ADAMTS2: variants seen among roughly 807,000 people sequenced by gnomAD.
ADAMTS2 encodes A disintegrin and metalloproteinase with thrombospondin motifs 2.
In ADAMTS2, 50 loss-of-function variants were observed where a neutral mutation model predicts 123.0. The ratio of observed to expected loss-of-function variants is 0.41; its 90% CI spans 0.32 to 0.51. ADAMTS2 has a LOEUF of 0.51. Ranked by LOEUF, ADAMTS2 falls within the 20% of genes least tolerant of loss-of-function variation. ADAMTS2 has a pLI of 0.35. For missense variants in ADAMTS2, 1,494 were observed against 1,705.2 expected (o/e 0.88, Z 2.18); for synonymous variants, 678 against 695.4 (o/e 0.98, Z 0.39).
intron 10 of ADAMTS2, among the ~76,000 whole-genome samples, chr5:179,146,808 A>G (rs1303838412): frequency 2.6e-5 from 4 of 151,934 alleles, no homozygotes; most frequent in African/African-American, 4.8e-5. Flanking sequence ...ATTAATTTTT[A>G]TCTGAATTTT....
At chr5:179,220,023 TC>T (rs1215321084) in intron 3 of ADAMTS2, among the ~76,000 whole-genome samples, 1 of 151,574 alleles carries the variant, frequency 6.6e-6, no homozygotes, top group Non-Finnish European at 1.5e-5. Context: ...CCAGGGAGGG[TC>T]CCCAGGACTC....
chr5:179,237,018 G>A (rs928827431), intron 3 of ADAMTS2, among the ~76,000 whole-genome samples: 56 of 152,136 alleles, frequency 3.7e-4, no homozygotes, highest in South Asian at 1.7e-3. Flanking sequence ...ACTTTGGGGG[G>A]TTGAGACGGG....
At chr5:179,208,121 T>C (rs560996517) in intron 3 of ADAMTS2, among the ~76,000 whole-genome samples, 11 of 145,492 alleles carry the variant, frequency 7.6e-5, no homozygotes, top group South Asian at 7.0e-4. Context: ...CCGCACTGCC[T>C]GACGCTGGAG....
chr5:179,302,646 G>A (rs867440015), intron 2 of ADAMTS2, among the ~76,000 whole-genome samples: 26 of 151,998 alleles, frequency 1.7e-4, no homozygotes, highest in African/African-American at 6.0e-4. Context: ...TCCCGGGGGG[G>A]CAAATGGCAG....
intron 3 of ADAMTS2, among the ~76,000 whole-genome samples, chr5:179,235,010 G>A (rs115327276): frequency 9.9e-5 from 15 of 152,174 alleles, no homozygotes; most frequent in Admixed American, 8.5e-4. Flanking sequence ...CCATGGGTCC[G>A]AGAAAACACT....
At chr5:179,310,983 G>A (rs957221899) in intron 2 of ADAMTS2, among the ~76,000 whole-genome samples, 3 of 151,532 alleles carry the variant, frequency 2.0e-5, no homozygotes, top group Non-Finnish European at 2.9e-5. Context: ...CTGGACCTCC[G>A]CCCCTTTCCA....
chr5:179,122,737 G>A lies in ADAMTS2; in HGVS notation c.2995C>T (p.Pro999Ser). 1.3e-6 allele frequency: 2 copies of A among 1,553,682 alleles called. No homozygotes were observed. Among genetic ancestry groups the A allele is most frequent in the Non-Finnish European group, 1.7e-6 (2 of 1,148,896 alleles). Residue 999 changes from proline to serine, a missense_variant, in exon 20 of 22, where the codon CCA (proline) becomes TCA (serine). Physicochemically the swap from Pro to Ser is moderately conservative, Grantham distance 74 (BLOSUM62 -1). Around this residue, in one of 6 missense-constraint regions of ADAMTS2, gnomAD observed 953 missense variants for 1,124.7 expected, o/e 0.85. Coordinates refer to ENST00000251582, the MANE Select transcript of ADAMTS2 (RefSeq NM_014244.5). ...VTCGNGTQER[P>S]VLCRTADDSF... The stretch of plus-strand genomic sequence containing the variant: ...TCGTCCGCGGTGCGGCAGAGCACTG[G>A]CCGCTCCTGGGTGCCGTTGCCACAG...
chr5:179,247,154 C>T (rs1381631924), intron 3 of ADAMTS2, among the ~76,000 whole-genome samples: 1 of 152,056 alleles, frequency 6.6e-6, no homozygotes, highest in Non-Finnish European at 1.5e-5. Flanking sequence ...AAAGCAAGAA[C>T]ATAATGTATC....
At position 179,158,938 on chromosome 5, in the gene ADAMTS2, G is replaced by A. The variant is rs937433083; in HGVS notation, c.976-59C>T. ...GTTGGCGCCTGGTGGCCCAGTGGGG[G>A]GCCGAGCAGGCTGTAGTGTTGACAG... On this transcript the variant is annotated intron_variant, in intron 5 of 21. Coordinates refer to ENST00000251582, the MANE Select transcript of ADAMTS2 (RefSeq NM_014244.5). This position sits in a 1 kb window ranked among gnomAD's most constrained non-coding sequence, Gnocchi z 5.0. 7 of 1,589,350 alleles carry A rather than the reference G, an allele frequency of 4.4e-6. No individual in the cohort carries two copies. The South Asian group carries it at 4.5e-5, about 10-fold the overall frequency.
At chr5:179,316,393 C>G (rs1032701295) in intron 2 of ADAMTS2, among the ~76,000 whole-genome samples, 2 of 152,214 alleles carry the variant, frequency 1.3e-5, no homozygotes, top group African/African-American at 4.8e-5. Flanking sequence ...CTGAGAGCAG[C>G]AGGGCCCTCA....
At chr5:179,165,820 A>G (rs1380569657) in intron 5 of ADAMTS2, among the ~76,000 whole-genome samples, 1 of 152,204 alleles carries the variant, frequency 6.6e-6, no homozygotes, top group African/African-American at 2.4e-5. Flanking sequence ...CAGAAGAGCC[A>G]GGCGGGAGAA....
Position 179,285,473 on chromosome 5 carries a change from C to G in ADAMTS2, c.535-12409G>C, listed in dbSNP as rs1755994254. Among the ~76,000 whole-genome samples, 1 of 152,242 alleles carries G rather than the reference C, an allele frequency of 6.6e-6. No homozygotes were observed. The highest frequency in any genetic ancestry group is 1.5e-5 in the Non-Finnish European group (1 of 68,042). ...ATGTCCCACACTCAGCCCTCTGCAG[C>G]CAGCTCCCCCATCTCCATGGCTCCT... On this transcript the variant is annotated intron_variant, in intron 2 of 21. Transcript: ENST00000251582. The surrounding 1 kb of genome is among the most constrained non-coding windows in gnomAD (Gnocchi z 4.9).
intron 3 of ADAMTS2, among the ~76,000 whole-genome samples, chr5:179,239,005 G>T (rs1025368001): frequency 3.9e-5 from 6 of 151,996 alleles, no homozygotes; most frequent in African/African-American, 1.5e-4. Context: ...CAGCTAAGGG[G>T]TGTGGGGTCT....
chr5:179,264,916 T>C (rs891712123), intron 3 of ADAMTS2, among the ~76,000 whole-genome samples: 1 of 146,664 alleles, frequency 6.8e-6, no homozygotes, highest in Non-Finnish European at 1.5e-5. Context: ...AACAGCAGCA[T>C]GCTGGGCGGA....
rs576880267 is a variant in ADAMTS2, at chr5:179,270,693, G to A, written c.688+2218C>T. 2.6e-5 allele frequency among the ~76,000 whole-genome samples: 4 copies of A among 152,310 alleles called. No homozygotes were observed. In the South Asian group the frequency reaches 8.3e-4, roughly 32 times the overall value. ...AGCTGGACGCCTGAGGTCACCGTGG[G>A]CCCTCCACCCAGCTCCGGCACTCAC... On this transcript the variant is annotated intron_variant, in intron 3 of 21. Transcript: ENST00000251582.
In ADAMTS2 at chr5:179,228,147, CAG is replaced by C. The variant is rs1056874878; in HGVS notation, c.689-20434_689-20433del. On this transcript the variant is annotated intron_variant, in intron 3 of 21. Coordinates refer to ENST00000251582, the MANE Select transcript of ADAMTS2 (RefSeq NM_014244.5). This position sits in a 1 kb window ranked among gnomAD's most constrained non-coding sequence, Gnocchi z 5.2. Reference sequence around the variant, plus strand: ...ACTCAGGCAGGAGTGGTCTGGAGCACAGAGAGAGGGTGGGCCGGAGGCCCCAG... The same window carrying C: ...ACTCAGGCAGGAGTGGTCTGGAGCACAGAGAGGGTGGGCCGGAGGCCCCAG... 1.3e-5 allele frequency among the ~76,000 whole-genome samples: 2 copies of C among 152,158 alleles called. No individual in the cohort carries two copies. Among genetic ancestry groups the C allele is most frequent in the African/African-American group, 4.8e-5 (2 of 41,442 alleles).
intron 2 of ADAMTS2, among the ~76,000 whole-genome samples, chr5:179,295,202 C>G (rs946130948): frequency 3.9e-5 from 6 of 152,216 alleles, no homozygotes; most frequent in African/African-American, 1.4e-4. Flanking sequence ...CAGGTCCCTG[C>G]GTCCCTTCCT....
At chr5:179,230,319 G>C (rs1024727096) in intron 3 of ADAMTS2, among the ~76,000 whole-genome samples, 2 of 152,160 alleles carry the variant, frequency 1.3e-5, no homozygotes, top group Non-Finnish European at 2.9e-5. Context: ...GGGCCTGCAG[G>C]CTTCCTGAGT....
At chr5:179,204,058 C>T (rs1050774075) in intron 4 of ADAMTS2, among the ~76,000 whole-genome samples, 96 of 152,270 alleles carry the variant, frequency 6.3e-4, no homozygotes, top group African/African-American at 2.2e-3. Flanking sequence ...GTGGATGGCC[C>T]CGAGGATGTC....
Sources: allele counts gnomAD v4.1 joint callset (sites outside exome capture counted in the v4.1 genomes callset), GRCh38; gene constraint gnomAD v4.1.1; regional missense constraint gnomAD v4.1.1; non-coding constraint Gnocchi (gnomAD v3.1); transcripts MANE v1.5; gene names NCBI Gene and HGNC (gene_info 2026-07-23, HGNC 2026-07-21).